The following ARHGAP35 variants were observed in gnomAD, a reference collection of about 807,000 sequenced individuals.
ARHGAP35 encodes the protein Rho GTPase activating protein 35.
Under a neutral mutation model 111.1 loss-of-function variants are expected in ARHGAP35, and 15 were observed. The observed-to-expected ratio is 0.13, with a 90% CI of 0.09 to 0.21. ARHGAP35 has a LOEUF of 0.21. Ranked by LOEUF, ARHGAP35 falls within the 10% of genes least tolerant of loss-of-function variation. The pLI is 1.00. For synonymous variants in ARHGAP35, 643 were observed against 710.3 expected (o/e 0.91, Z 1.51); for missense variants, 1,262 against 1,873.0 (o/e 0.67, Z 6.02).
In ARHGAP35 at chr19:46,920,799, C is replaced by T. The variant is rs1490673133; in HGVS notation, c.2124C>T (p.Asp708=). 1 of 1,610,516 alleles carries T rather than the reference C, an allele frequency of 6.2e-7. No homozygotes were observed. The highest frequency in any genetic ancestry group is 1.7e-5 in the Admixed American group (1 of 59,220). ...LTLILVNKRG[D]TSGETLHSLI... ...TAATTTTGGTTAACAAGAGAGGAGA[C>T]ACCAGTGGAGAGACTCTGCATAGCT... Residue 708 remains aspartate, a synonymous_variant, in exon 2 of 7, where the codon GAC becomes GAT. Coordinates refer to ENST00000672722, the MANE Select transcript of ARHGAP35 (RefSeq NM_004491.5). This position sits in a 1 kb window ranked among gnomAD's most constrained non-coding sequence, Gnocchi z 7.0.
Position 46,989,265 on chromosome 19 carries a change from C to A in ARHGAP35, c.3905-279C>A. On this transcript the variant is annotated intron_variant, in intron 4 of 6. Transcript: ENST00000672722. This position sits in a 1 kb window ranked among gnomAD's most constrained non-coding sequence, Gnocchi z 5.3. ...CATATCAAAGCCAGATGAAGGCAAG[C>A]TCCTGGCACCAAAAACCAGCATGTG... 1 of 325,788 alleles carries A rather than the reference C, an allele frequency of 3.1e-6. No individual in the cohort carries two copies. The allele number at this position is 325,788 out of a possible 1,614,324, so 20.2% of individuals were successfully genotyped here. A position where few individuals can be genotyped will look rare whatever the true frequency, so the allele number is the denominator to read the frequency against.
Position 46,989,528 on chromosome 19 carries a change from C to G in ARHGAP35, c.3905-16C>G, listed in dbSNP as rs376673484. ...GCTTAGAATGGTTTGGCCTCACTCT[C>G]CTGACTTCCTTTCAGACCACAACCT... On this transcript the variant is annotated splice_polypyrimidine_tract_variant and intron_variant, in intron 4 of 6. Coordinates refer to ENST00000672722, the MANE Select transcript of ARHGAP35 (RefSeq NM_004491.5). The surrounding 1 kb of genome is among the most constrained non-coding windows in gnomAD (Gnocchi z 5.3). 2.5e-6 allele frequency: 4 copies of G among 1,613,576 alleles called. No individual in the cohort carries two copies. The highest frequency in any genetic ancestry group is 3.4e-6 in the Non-Finnish European group (4 of 1,179,668).
chr19:46,939,483 C>T (rs1411489182), intron 3 of ARHGAP35, among the ~76,000 whole-genome samples: 2 of 151,918 alleles, frequency 1.3e-5, no homozygotes, highest in Non-Finnish European at 2.9e-5. Context: ...GATCTAGACT[C>T]ACTGCAACCT....
At chr19:46,931,454 T>C (rs1054086278) in intron 2 of ARHGAP35, among the ~76,000 whole-genome samples, 2 of 152,164 alleles carry the variant, frequency 1.3e-5, no homozygotes, top group Non-Finnish European at 2.9e-5. Flanking sequence ...AGATGCAGCT[T>C]CCTACTCTGC....
chr19:46,991,981 C>T (rs1036281298), intron 5 of ARHGAP35, among the ~76,000 whole-genome samples: 1 of 152,182 alleles, frequency 6.6e-6, no homozygotes, highest in Non-Finnish European at 1.5e-5. Context: ...GTTTTGTTAG[C>T]TCCAGAATTT....
Position 46,911,049 on chromosome 19 carries a change from T to C in ARHGAP35, c.-188-7439T>C, listed in dbSNP as rs553759542. ...ATTCTCAGAGTAAACATACAGCTTG[T>C]TGATAATCTGAGCCCCGACTGCCCA... On this transcript the variant is annotated intron_variant, in intron 1 of 6. Coordinates refer to ENST00000672722, the MANE Select transcript of ARHGAP35 (RefSeq NM_004491.5). Among the ~76,000 whole-genome samples the C allele has an allele frequency of 7.9e-5, 12 of 152,362 alleles. No homozygotes were observed. In the East Asian group the frequency reaches 2.3e-3, roughly 29 times the overall value.
intron 3 of ARHGAP35, among the ~76,000 whole-genome samples, chr19:46,942,568 C>T (rs1363444338): frequency 6.6e-6 from 1 of 151,990 alleles, no homozygotes; most frequent in Admixed American, 6.6e-5. Flanking sequence ...ACCCACGAGG[C>T]GGAGGTTGCA....
intron 2 of ARHGAP35, among the ~76,000 whole-genome samples, chr19:46,933,350 C>T (rs113443486): frequency 0.027 from 4,136 of 151,822 alleles, 187 homozygotes; most frequent in African/African-American, 0.091. Context: ...GGTTTCACCA[C>T]GTTGGCCAGG....
chr19:46,899,714 C>CAA (rs1568463130), intron 1 of ARHGAP35, among the ~76,000 whole-genome samples: 1 of 149,024 alleles, frequency 6.7e-6, no homozygotes, highest in Non-Finnish European at 1.5e-5. Flanking sequence ...AAAACAAAAA[C>CAA]AAAAACAAAA....
At chr19:46,884,347 C>G (rs1208372959) in intron 1 of ARHGAP35, among the ~76,000 whole-genome samples, 1 of 152,042 alleles carries the variant, frequency 6.6e-6, no homozygotes, top group Non-Finnish European at 1.5e-5. Context: ...TATCCCTTCC[C>G]AAGGAAACTA....
At chr19:46,865,847 T>C (rs947560556) in intron 1 of ARHGAP35, among the ~76,000 whole-genome samples, 3 of 152,172 alleles carry the variant, frequency 2.0e-5, no homozygotes, top group Non-Finnish European at 4.4e-5. Context: ...ACAGTAATCG[T>C]GACTTTTTTT....
At position 46,937,247 on chromosome 19, in the gene ARHGAP35, TTC is replaced by T. The variant is rs755164446; in HGVS notation, c.3682-13_3682-12del. On this transcript the variant is annotated splice_polypyrimidine_tract_variant and intron_variant, in intron 2 of 6. Coordinates refer to ENST00000672722, the MANE Select transcript of ARHGAP35 (RefSeq NM_004491.5). The stretch of plus-strand genomic sequence containing the variant: ...ACTCACTTTGTTTTTGTGCTTCCCT[TTC>T]TCTTTCCTGGACAGAAACCAAAGCC... 201 of 1,613,380 alleles carry T rather than the reference TTC, an allele frequency of 1.2e-4. 4 individuals carry two copies. In the South Asian group the frequency reaches 1.9e-3, roughly 15 times the overall value.
intron 3 of ARHGAP35, among the ~76,000 whole-genome samples, chr19:46,974,450 C>T (rs371678468): frequency 2.6e-5 from 4 of 152,134 alleles, no homozygotes; most frequent in African/African-American, 7.2e-5. Flanking sequence ...TTCAAGAAAA[C>T]GCTTAACATA....
intron 5 of ARHGAP35, among the ~76,000 whole-genome samples, chr19:46,991,634 C>T (rs1264624768): frequency 6.6e-6 from 1 of 152,226 alleles, no homozygotes; most frequent in African/African-American, 2.4e-5. Flanking sequence ...TTGAACCTGA[C>T]CGAAGCGGGT....
chr19:46,998,374 A>G (rs1156607343), intron 5 of ARHGAP35, among the ~76,000 whole-genome samples: 1 of 152,166 alleles, frequency 6.6e-6, no homozygotes, highest in Non-Finnish European at 1.5e-5. Flanking sequence ...GGAGTCCACG[A>G]AGGAAACATG....
At chr19:46,928,753 G>A (rs1599825964) in intron 2 of ARHGAP35, among the ~76,000 whole-genome samples, 1 of 152,048 alleles carries the variant, frequency 6.6e-6, no homozygotes, top group Non-Finnish European at 1.5e-5. Context: ...CCAACATGGC[G>A]AAACCCCGTC....
At chr19:46,984,796 C>T (rs2056640043) in intron 3 of ARHGAP35, among the ~76,000 whole-genome samples, 1 of 152,244 alleles carries the variant, frequency 6.6e-6, no homozygotes, top group Non-Finnish European at 1.5e-5. Context: ...CAGGTCCACA[C>T]CACTGATAAT....
intron 3 of ARHGAP35, among the ~76,000 whole-genome samples, chr19:46,939,196 C>G (rs2122228046): frequency 6.6e-6 from 1 of 151,980 alleles, no homozygotes; most frequent in Non-Finnish European, 1.5e-5. Flanking sequence ...GCTAGTCTCA[C>G]AATCCTAGCT....
At chr19:46,973,391 T>C (rs536381199) in intron 3 of ARHGAP35, among the ~76,000 whole-genome samples, 231 of 146,578 alleles carry the variant, frequency 1.6e-3, no homozygotes, top group African/African-American at 5.5e-3. Context: ...TAAATTAAAA[T>C]GAAAAATTGG....
Sources: allele counts gnomAD v4.1 joint callset (sites outside exome capture counted in the v4.1 genomes callset), GRCh38; gene constraint gnomAD v4.1.1; non-coding constraint Gnocchi (gnomAD v3.1); transcripts MANE v1.5; gene names NCBI Gene and HGNC (gene_info 2026-07-23, HGNC 2026-07-21).